The following PHAX variants were observed in gnomAD, a reference collection of about 807,000 sequenced individuals.
The protein encoded by PHAX is phosphorylated adaptor for RNA export.
Under a neutral mutation model 41.6 loss-of-function variants are expected in PHAX, and 31 were observed. The observed-to-expected ratio is 0.75, with a 90% CI of 0.56 to 1.01. The LOEUF (loss-of-function observed/expected upper bound fraction) is 1.01. PHAX is among the 50% of genes least tolerant of loss of function. The pLI is 0.00. For missense variants in PHAX, 453 were observed against 472.9 expected (o/e 0.96, Z 0.39); for synonymous variants, 175 against 164.9 (o/e 1.06, Z -0.47).
In PHAX at chr5:126,626,324, T is replaced by C. The variant is rs1284923559; in HGVS notation, c.*1480T>C. The C allele has an allele frequency of 6.6e-6, 1 of 152,252 alleles. No individual in the cohort carries two copies. Among genetic ancestry groups the C allele is most frequent in the Admixed American group, 6.5e-5 (1 of 15,278 alleles). 9.4% of individuals were successfully genotyped at this position (152,252 alleles called of 1,614,324 possible). A position where few individuals can be genotyped will look rare whatever the true frequency, so the allele number is the denominator to read the frequency against. On this transcript the variant is annotated 3_prime_UTR_variant, in exon 5 of 5. Transcript: ENST00000297540. ...TAAAATGTTACATATGCCGGCGCAG[T>C]GGCTCATGTGTGTAATCCCAGCACT... is the stretch of plus-strand genomic sequence containing the variant.
intron 2 of PHAX, among the ~76,000 whole-genome samples, chr5:126,605,792 A>C (rs546515629): frequency 1.3e-5 from 2 of 152,348 alleles, no homozygotes; most frequent in African/African-American, 4.8e-5. Flanking sequence ...GAGCTTTTTA[A>C]ATAAAGCATA....
Position 126,617,291 on chromosome 5 carries a change from T to C in PHAX, c.873T>C (p.Asn291=), listed in dbSNP as rs761081980. 17 of 1,612,220 alleles carry C rather than the reference T, an allele frequency of 1.1e-5. No individual in the cohort carries two copies. The Admixed American group carries it at 2.2e-4, about 21-fold the overall frequency. ...GAACACCAGGTGGAGTTTTTCTGAA[T>C]CTCTTGAAAAACACTCCTAGTATCA... ...RRRTPGGVFL[N]LLKNTPSISE... The change falls in exon 4 of 5, where the codon AAT becomes AAC. Residue 291 remains asparagine (N), a synonymous_variant. Coordinates refer to ENST00000297540, the MANE Select transcript of PHAX (RefSeq NM_032177.4).
chr5:126,604,030 G>C lies in PHAX; in HGVS notation c.557G>C (p.Gly186Ala). Residue 186 changes from glycine (G) to alanine (A), a missense_variant, in exon 2 of 5, where the codon GGA becomes GCA. By Grantham distance (60) the Gly-to-Ala change is moderately conservative. Transcript: ENST00000297540. ...DEYMHGGKKM[G>A]SKEEENGQGH... ...TATATGCATGGTGGCAAAAAAATGG[G>C]ATCAAAGGAAGAGGAAAATGGGCAA... is the stretch of plus-strand genomic sequence containing the variant. 6.2e-7 allele frequency: 1 copy of C among 1,613,914 alleles called. No homozygotes were observed.
intron 4 of PHAX, among the ~76,000 whole-genome samples, chr5:126,622,891 C>T (rs746671212): frequency 8.6e-5 from 13 of 151,816 alleles, no homozygotes; most frequent in African/African-American, 2.9e-4. Context: ...TTTGGGAGGC[C>T]GAGGCAGGTG....
chr5:126,612,643 A>G (rs939856348), intron 3 of PHAX, among the ~76,000 whole-genome samples: 8 of 151,946 alleles, frequency 5.3e-5, no homozygotes, highest in African/African-American at 1.2e-4. Flanking sequence ...GGAGGTTGCC[A>G]TGAGCCGGGA....
At chr5:126,606,500 T>C (rs1751989123) in intron 2 of PHAX, among the ~76,000 whole-genome samples, 1 of 152,196 alleles carries the variant, frequency 6.6e-6, no homozygotes. Context: ...GTTTTTGAGA[T>C]TGATCCATGG....
At chr5:126,622,281 G>T (rs914358923) in intron 4 of PHAX, among the ~76,000 whole-genome samples, 1 of 151,760 alleles carries the variant, frequency 6.6e-6, no homozygotes, top group Admixed American at 6.6e-5. Context: ...TTATAGGCTC[G>T]CACCACCATG....
At chr5:126,619,550 T>A (rs549086805) in intron 4 of PHAX, among the ~76,000 whole-genome samples, 101 of 150,434 alleles carry the variant, frequency 6.7e-4, no homozygotes, top group African/African-American at 2.4e-3. Flanking sequence ...TACTCCAGCC[T>A]GGGTGACAGA....
At chr5:126,609,172 C>G (rs1169653163) in intron 3 of PHAX, among the ~76,000 whole-genome samples, 3 of 141,466 alleles carry the variant, frequency 2.1e-5, no homozygotes, top group Non-Finnish European at 4.5e-5. Flanking sequence ...GCAATCTCGG[C>G]TCACTGCAAC....
At chr5:126,620,943 C>T (rs1752260262) in intron 4 of PHAX, among the ~76,000 whole-genome samples, 1 of 152,114 alleles carries the variant, frequency 6.6e-6, no homozygotes, top group African/African-American at 2.4e-5. Context: ...ACCATGTTGT[C>T]TGGGCTTGTC....
chr5:126,605,672 T>C (rs1308859351), intron 2 of PHAX, among the ~76,000 whole-genome samples: 1 of 152,206 alleles, frequency 6.6e-6, no homozygotes, highest in Non-Finnish European at 1.5e-5. Flanking sequence ...GCTGGGATTA[T>C]AGGCGTGAGC....
intron 2 of PHAX, 25 bp downstream of exon 2, chr5:126,604,208 T>G: frequency 1.3e-6 from 2 of 1,506,000 alleles, no homozygotes; most frequent in Non-Finnish European, 1.8e-6. Context: ...TACAAATAAG[T>G]ACTTGACCAG....
At position 126,603,806 on chromosome 5, in the gene PHAX, AAAG is replaced by A. The variant is rs775137034; in HGVS notation, c.338_340del (p.Lys113del). On this transcript the variant is annotated inframe_deletion, in exon 2 of 5. Coordinates refer to ENST00000297540, the MANE Select transcript of PHAX (RefSeq NM_032177.4). ...GTCAGAAACCACCTGTTGCTGGAGG[AAAG>A]AAGATTAACAACATATGGGGTGCTG... The A allele has an allele frequency of 3.7e-6, 6 of 1,614,162 alleles. No individual in the cohort carries two copies. The highest frequency in any genetic ancestry group is 1.1e-5 in the South Asian group (1 of 91,074).
chr5:126,619,251 A>G (rs1752233484), intron 4 of PHAX, among the ~76,000 whole-genome samples: 2 of 151,624 alleles, frequency 1.3e-5, no homozygotes, highest in African/African-American at 4.8e-5. Context: ...TTAACCCCAC[A>G]TTTTCCTTCA....
Position 126,617,300 on chromosome 5 carries a change from A to G in PHAX, c.882A>G (p.Lys294=), listed in dbSNP as rs138142975. 6.2e-7 allele frequency: 1 copy of G among 1,610,736 alleles called. No homozygotes were observed. Among genetic ancestry groups the G allele is most frequent in the African/African-American group, 1.3e-5 (1 of 74,814 alleles). ...TPGGVFLNLL[K]NTPSISEEQI... is the part of the protein sequence containing the mutation. ...GTGGAGTTTTTCTGAATCTCTTGAAAAACACTCCTAGTATCAGCGAGGAAC... is the reference window on the plus strand; with the variant it reads ...GTGGAGTTTTTCTGAATCTCTTGAAGAACACTCCTAGTATCAGCGAGGAAC... Residue 294 remains lysine, a synonymous_variant, in exon 4 of 5, where the codon AAA becomes AAG. Transcript: ENST00000297540.
chr5:126,624,864 A>T lies in PHAX; in HGVS notation c.*20A>T. The T allele has an allele frequency of 1.3e-6, 2 of 1,588,104 alleles. No individual in the cohort carries two copies. The highest frequency in any genetic ancestry group is 1.8e-5 in the Admixed American group (1 of 54,404). ...TTTTAAGTACATTTTCAACAGTTTGAGGACTAAGCCTTTCTAAAATAACAT... is the reference window on the plus strand; with the variant it reads ...TTTTAAGTACATTTTCAACAGTTTGTGGACTAAGCCTTTCTAAAATAACAT... On this transcript the variant is annotated 3_prime_UTR_variant, in exon 5 of 5. Transcript: ENST00000297540.
In PHAX at chr5:126,609,988, C is replaced by T. The variant is rs148353136; in HGVS notation, c.831+1504C>T. ...CTGAGCTCAGGCAATCCGCCTGCCT[C>T]GGCCTCCCAAAGTGCTGGGATTACA... is the stretch of plus-strand genomic sequence containing the variant. On this transcript the variant is annotated intron_variant, in intron 3 of 4. Transcript: ENST00000297540. Among the ~76,000 whole-genome samples, 1,047 of 152,292 alleles carry T rather than the reference C, an allele frequency of 6.9e-3. 11 individuals are homozygous for T. The highest frequency in any genetic ancestry group is 0.019 in the African/African-American group (792 of 41,568).
rs570183248 is a variant in PHAX at position 126,627,134 on chromosome 5, G to C, written c.*2290G>C. 2 of 152,268 alleles carry C rather than the reference G, an allele frequency of 1.3e-5. No homozygotes were observed. The highest frequency in any genetic ancestry group is 4.1e-4 in the South Asian group (2 of 4,830). The allele number at this position is 152,268 out of a possible 1,614,324, so 9.4% of individuals were successfully genotyped here. On this transcript the variant is annotated 3_prime_UTR_variant, in exon 5 of 5. Transcript: ENST00000297540. ...GTTCCTTACAGACAGTGTACTTGAAGTCTTTTGGTAGTTCTGAGAATGTGG... is the reference window on the plus strand; with the variant it reads ...GTTCCTTACAGACAGTGTACTTGAACTCTTTTGGTAGTTCTGAGAATGTGG...
At chr5:126,608,707 C>T (rs181867613) in intron 3 of PHAX, among the ~76,000 whole-genome samples, 278 of 152,052 alleles carry the variant, frequency 1.8e-3, no homozygotes, top group African/African-American at 6.4e-3. Flanking sequence ...GAGGCTGAGG[C>T]GGGCCGATCA....
Sources: gnomAD v4.1 joint callset for allele counts (sites outside exome capture counted in the v4.1 genomes callset) on GRCh38, gnomAD v4.1.1 for gene constraint, MANE v1.5 for transcripts, NCBI Gene and HGNC (gene_info 2026-07-23, HGNC 2026-07-21) for gene names.